The following MCTP1 variants were observed in gnomAD, a reference collection of about 807,000 sequenced individuals.
MCTP1 encodes the protein multiple C2 and transmembrane domain containing 1.
A neutral mutation model predicts 120.6 loss-of-function variants in MCTP1; 69 were observed. The ratio of observed to expected loss-of-function variants is 0.57; its 90% CI spans 0.47 to 0.70. MCTP1 has a LOEUF of 0.70. Ranked by LOEUF, MCTP1 falls within the 30% of genes least tolerant of loss-of-function variation. The pLI is 0.00. For missense variants in MCTP1, 1,203 were observed against 1,248.8 expected (o/e 0.96, Z 0.55); for synonymous variants, 529 against 493.1 (o/e 1.07, Z -0.96).
intron 1 of MCTP1, among the ~76,000 whole-genome samples, chr5:95,055,549 C>T (rs556554911): frequency 6.6e-6 from 1 of 152,262 alleles, no homozygotes; most frequent in Admixed American, 6.5e-5. Flanking sequence ...GCAACATGTC[C>T]AAGCCCACGT....
intron 1 of MCTP1, among the ~76,000 whole-genome samples, chr5:95,070,884 T>A (rs1019619017): frequency 6.6e-6 from 1 of 152,076 alleles, no homozygotes; most frequent in Non-Finnish European, 1.5e-5. Flanking sequence ...CTGACTTGGT[T>A]AAGGTGGTTG....
intron 1 of MCTP1, among the ~76,000 whole-genome samples, chr5:95,024,411 C>A (rs1244911754): frequency 6.6e-6 from 1 of 152,094 alleles, no homozygotes; most frequent in Non-Finnish European, 1.5e-5. Flanking sequence ...ATTCAACATT[C>A]TTTTGTGATA....
chr5:95,168,161 C>A (rs1469179771), intron 1 of MCTP1, among the ~76,000 whole-genome samples: 1 of 152,136 alleles, frequency 6.6e-6, no homozygotes. Context: ...GAATCCTTTC[C>A]CCATTTCCTG....
At chr5:94,710,689 C>G (rs1756594352) in intron 21 of MCTP1, 129 bp downstream of exon 21, 1 of 609,616 alleles carries the variant, frequency 1.6e-6, no homozygotes. Context: ...ACCAACCTGT[C>G]TCTTTTCATC....
At chr5:94,777,875 A>C (rs548765173) in intron 19 of MCTP1, among the ~76,000 whole-genome samples, 4 of 152,170 alleles carry the variant, frequency 2.6e-5, no homozygotes, top group African/African-American at 9.6e-5. Context: ...TTCACATAAA[A>C]GCTCTGTCGA....
At chr5:94,900,390 A>G (rs989483570) in intron 10 of MCTP1, among the ~76,000 whole-genome samples, 5 of 152,204 alleles carry the variant, frequency 3.3e-5, no homozygotes, top group African/African-American at 9.7e-5. Flanking sequence ...TTAAAGTACT[A>G]TGGACAAGGA....
chr5:95,107,349 A>G (rs970296833), intron 1 of MCTP1, among the ~76,000 whole-genome samples: 18 of 152,236 alleles, frequency 1.2e-4, no homozygotes, highest in Non-Finnish European at 2.5e-4. Context: ...TAATAAATGA[A>G]AAGTTGCATG....
intron 11 of MCTP1, among the ~76,000 whole-genome samples, chr5:94,890,746 C>T (rs1802398670): frequency 6.6e-6 from 1 of 152,096 alleles, no homozygotes; most frequent in Non-Finnish European, 1.5e-5. Context: ...GAAACCAATA[C>T]AATAATTCAG....
intron 20 of MCTP1, among the ~76,000 whole-genome samples, chr5:94,714,256 C>T (rs940281456): frequency 6.6e-6 from 1 of 151,962 alleles, no homozygotes; most frequent in Non-Finnish European, 1.5e-5. Flanking sequence ...TTCTAAATGA[C>T]AGAGCATTAG....
chr5:95,099,995 T>C (rs1582248676), intron 1 of MCTP1, among the ~76,000 whole-genome samples: 1 of 151,774 alleles, frequency 6.6e-6, no homozygotes, highest in Admixed American at 6.6e-5. Flanking sequence ...AAATTGGAAA[T>C]CATCATTCTC....
chr5:95,040,945 T>A (rs916510641), intron 1 of MCTP1, among the ~76,000 whole-genome samples: 1 of 152,250 alleles, frequency 6.6e-6, no homozygotes, highest in East Asian at 1.9e-4. Context: ...AGGCTAATAA[T>A]AGTGGAGGCT....
At chr5:95,064,528 TA>T (rs1750092900) in intron 1 of MCTP1, among the ~76,000 whole-genome samples, 1 of 152,222 alleles carries the variant, frequency 6.6e-6, no homozygotes, top group African/African-American at 2.4e-5. Flanking sequence ...TTTGTAGACA[TA>T]AAAATGAAAT....
chr5:94,737,530 T>C (rs1307397575), intron 19 of MCTP1, among the ~76,000 whole-genome samples: 4 of 152,242 alleles, frequency 2.6e-5, no homozygotes, highest in East Asian at 3.8e-4. Flanking sequence ...TAGGGAGTCC[T>C]GTAGTTTTGT....
At chr5:94,805,420 A>G (rs1367848334) in intron 17 of MCTP1, among the ~76,000 whole-genome samples, 2 of 152,276 alleles carry the variant, frequency 1.3e-5, no homozygotes, top group East Asian at 3.9e-4. Context: ...TGAGGCCAGG[A>G]GTTCAAGACC....
At chr5:95,026,606 G>T (rs897736089) in intron 1 of MCTP1, among the ~76,000 whole-genome samples, 1 of 152,198 alleles carries the variant, frequency 6.6e-6, no homozygotes, top group African/African-American at 2.4e-5. Context: ...CCATTTTGTT[G>T]CAAATCACAG....
chr5:94,857,595 C>A (rs1230937367), intron 17 of MCTP1, among the ~76,000 whole-genome samples: 1 of 151,610 alleles, frequency 6.6e-6, no homozygotes, highest in Non-Finnish European at 1.5e-5. Context: ...CATACTGATA[C>A]AAACTTTGAA....
chr5:95,112,830 G>C (rs1562152772), intron 1 of MCTP1, among the ~76,000 whole-genome samples: 1 of 152,064 alleles, frequency 6.6e-6, no homozygotes, highest in Non-Finnish European at 1.5e-5. Context: ...ATATATTATG[G>C]AAATGTAACA....
intron 1 of MCTP1, among the ~76,000 whole-genome samples, chr5:95,262,095 C>T (rs1221725437): frequency 6.6e-6 from 1 of 152,222 alleles, no homozygotes; most frequent in African/African-American, 2.4e-5. Context: ...CATCACAGTC[C>T]ATGTCCCAGC....
At position 94,873,189 on chromosome 5, in the gene MCTP1, T is replaced by C; in HGVS notation, c.1986A>G (p.Thr662=). Residue 662 remains threonine (T), a synonymous_variant, in exon 13 of 23, where the codon ACA becomes ACG. Coordinates refer to ENST00000515393, the MANE Select transcript of MCTP1 (RefSeq NM_024717.7). ...GATTGAGATTTTTGTAGACAGTATGTGTTAGCAGTCTATCGTTGTTCAGTT... is the reference window on the plus strand; with the variant it reads ...GATTGAGATTTTTGTAGACAGTATGCGTTAGCAGTCTATCGTTGTTCAGTT... ...VVELNNDRLL[T]HTVYKNLNPE... 1 of 1,611,378 alleles carries C rather than the reference T, an allele frequency of 6.2e-7. No homozygotes were observed. Among genetic ancestry groups the C allele is most frequent in the Non-Finnish European group, 8.5e-7 (1 of 1,178,034 alleles).
Sources: allele counts gnomAD v4.1 joint callset (sites outside exome capture counted in the v4.1 genomes callset), GRCh38; gene constraint gnomAD v4.1.1; transcripts MANE v1.5; gene names NCBI Gene and HGNC (gene_info 2026-07-23, HGNC 2026-07-21).